TYW1: variants seen among roughly 807,000 people sequenced by gnomAD.
TYW1 encodes the protein S-adenosyl-L-methionine-dependent tRNA 4-demethylwyosine synthase TYW1.
In TYW1, 46 loss-of-function variants were observed where a neutral mutation model predicts 96.2. The ratio of observed to expected loss-of-function variants is 0.48; its 90% confidence interval spans 0.38 to 0.61. The LOEUF (loss-of-function observed/expected upper bound fraction) is 0.61, where lower values mean the gene tolerates loss of function less well. TYW1 is among the 20% of genes least tolerant of loss of function. TYW1 has a pLI of 0.00. For missense variants in TYW1, 684 were observed against 909.6 expected (o/e 0.75, Z 3.19); for synonymous variants, 274 against 323.0 (o/e 0.85, Z 1.63).
chr7:67,195,721 A>G (rs1234856375), intron 15 of TYW1, among the ~76,000 whole-genome samples: 2 of 152,126 alleles, frequency 1.3e-5, no homozygotes, highest in African/African-American at 2.4e-5. Context: ...TGTGGTATCT[A>G]TCAAATTTTA....
intron 15 of TYW1, among the ~76,000 whole-genome samples, chr7:67,222,008 G>T (rs1233347564): frequency 6.6e-6 from 1 of 151,968 alleles, no homozygotes; most frequent in African/African-American, 2.4e-5. Context: ...GACCAGCCTG[G>T]CTAAATGGCA....
chr7:67,099,191 A>C (rs890722600), intron 12 of TYW1, among the ~76,000 whole-genome samples: 14 of 151,886 alleles, frequency 9.2e-5, no homozygotes, highest in African/African-American at 3.1e-4. Context: ...ATGCCCAGCT[A>C]ATTTTTTTAT....
chr7:67,041,639 C>T (rs572019924), intron 7 of TYW1, among the ~76,000 whole-genome samples: 20 of 152,218 alleles, frequency 1.3e-4, no homozygotes, highest in African/African-American at 2.9e-4. Flanking sequence ...ACACATTCCC[C>T]GAATGCTTTC....
chr7:67,168,996 G>A (rs1166575978), intron 13 of TYW1, among the ~76,000 whole-genome samples: 2 of 137,814 alleles, frequency 1.5e-5, no homozygotes, highest in Non-Finnish European at 3.1e-5. Flanking sequence ...ATAGGTGTGA[G>A]CACTGTGGCC....
intron 4 of TYW1, among the ~76,000 whole-genome samples, chr7:67,013,066 T>C (rs920553299): frequency 2.0e-5 from 3 of 152,028 alleles, no homozygotes; most frequent in Middle Eastern, 3.2e-3. Flanking sequence ...TTTTTATTGC[T>C]TTAATTTATT....
rs1329820938 is a variant in TYW1, at chr7:67,098,815, A to G, written c.1562+97A>G. On this transcript the variant is annotated intron_variant, in intron 12 of 15. Coordinates refer to ENST00000359626, the MANE Select transcript of TYW1 (RefSeq NM_018264.4). ...TAATGCAATCAAATAGGATTTATTG[A>G]TTACTTACTACATACAAATGTTGGG... is the stretch of plus-strand genomic sequence containing the variant. 3.8e-6 allele frequency: 5 copies of G among 1,301,674 alleles called. No individual in the cohort carries two copies. In the East Asian group the frequency reaches 1.2e-4, roughly 32 times the overall value. The allele number at this position is 1,301,674 out of a possible 1,614,324, so 80.6% of individuals were successfully genotyped here.
intron 8 of TYW1, among the ~76,000 whole-genome samples, chr7:67,051,030 T>C (rs572449953): frequency 6.6e-6 from 1 of 152,200 alleles, no homozygotes; most frequent in African/African-American, 2.4e-5. Flanking sequence ...CAGCTGGGAC[T>C]AGAGACATAT....
At chr7:67,019,420 A>T (rs747664753) in intron 6 of TYW1, among the ~76,000 whole-genome samples, 17 of 151,852 alleles carry the variant, frequency 1.1e-4, no homozygotes, top group Admixed American at 2.0e-4. Flanking sequence ...CTGGTCTCGA[A>T]CTCCTGACCT....
intron 15 of TYW1, among the ~76,000 whole-genome samples, chr7:67,206,866 T>A (rs1334218261): frequency 6.6e-6 from 1 of 152,198 alleles, no homozygotes; most frequent in Non-Finnish European, 1.5e-5. Context: ...ACATGTGACA[T>A]ATCACATAAC....
At chr7:67,212,812 A>G (rs2116397581) in intron 15 of TYW1, among the ~76,000 whole-genome samples, 1 of 152,152 alleles carries the variant, frequency 6.6e-6, no homozygotes, top group Admixed American at 6.5e-5. Flanking sequence ...TGTATTTTGT[A>G]TTATGATGTG....
At chr7:67,072,248 CTT>C (rs35654128) in intron 10 of TYW1, among the ~76,000 whole-genome samples, 6 of 128,918 alleles carry the variant, frequency 4.7e-5, no homozygotes, top group South Asian at 2.5e-4. Flanking sequence ...CCTCTACCCA[CTT>C]TTTTTTTTTT....
chr7:67,116,738 T>G (rs1345252959), intron 12 of TYW1, among the ~76,000 whole-genome samples: 2 of 151,928 alleles, frequency 1.3e-5, no homozygotes, highest in African/African-American at 4.8e-5. Flanking sequence ...ACTAGAAATC[T>G]AGTAGGTAGG....
rs189689099 is a variant in TYW1, at chr7:67,058,038, C to T, written c.1155+2151C>T. On this transcript the variant is annotated intron_variant, in intron 9 of 15. Coordinates refer to ENST00000359626, the MANE Select transcript of TYW1 (RefSeq NM_018264.4). ...CAAGCTCTGCCTCCCGGGTTCACGCCATTCTCCTGCCTCAGCCTCCCGAGT... is the reference window on the plus strand; with the variant it reads ...CAAGCTCTGCCTCCCGGGTTCACGCTATTCTCCTGCCTCAGCCTCCCGAGT... 1.7e-3 allele frequency among the ~76,000 whole-genome samples: 257 copies of T among 152,062 alleles called. 2 individuals carry two copies. Among genetic ancestry groups the T allele is most frequent in the Admixed American group, 0.016 (244 of 15,282 alleles).
At position 67,008,663 on chromosome 7, in the gene TYW1, A is replaced by C. The variant is rs183284768; in HGVS notation, c.274-920A>C. Among the ~76,000 whole-genome samples, 39 of 151,042 alleles carry C rather than the reference A, an allele frequency of 2.6e-4. No homozygotes were observed. In the East Asian group the frequency reaches 4.5e-3, roughly 17 times the overall value. On this transcript the variant is annotated intron_variant, in intron 3 of 15. Coordinates refer to ENST00000359626, the MANE Select transcript of TYW1 (RefSeq NM_018264.4). The stretch of plus-strand genomic sequence containing the variant: ...CTTTTCACTCTTCACTCTTTCTTTT[A>C]TTTTATTTATTTATTTATTTTGGAG...
intron 7 of TYW1, among the ~76,000 whole-genome samples, chr7:67,029,412 T>TATATATATAC: frequency 7.2e-6 from 1 of 139,302 alleles, no homozygotes; most frequent in Non-Finnish European, 1.5e-5. Flanking sequence ...TGTGTGTGTG[T>TATATATATAC]GTGTATATAT....
chr7:67,165,145 G>C (rs1799281504), intron 13 of TYW1, among the ~76,000 whole-genome samples: 1 of 151,944 alleles, frequency 6.6e-6, no homozygotes, highest in South Asian at 2.1e-4. Flanking sequence ...AAAAATCTTT[G>C]CCAATTTGAT....
At chr7:67,225,737 C>CTCCACCAAAAT (rs113914635) in intron 15 of TYW1, among the ~76,000 whole-genome samples, 1 of 136,780 alleles carries the variant, frequency 7.3e-6, no homozygotes, top group South Asian at 2.4e-4. Flanking sequence ...TTTAGCTCCA[C>CTCCACCAAAAT]TGGAGATTAA....
chr7:67,182,682 AAAT>A (rs1215015037), intron 13 of TYW1, among the ~76,000 whole-genome samples: 1 of 152,244 alleles, frequency 6.6e-6, no homozygotes, highest in Non-Finnish European at 1.5e-5. Context: ...AGAGATCATT[AAAT>A]AATGAGGGAG....
In TYW1 at chr7:67,195,185, G is replaced by A. The variant is rs2690207; in HGVS notation, c.1825G>A (p.Gly609Arg). 32 of 1,613,776 alleles carry A rather than the reference G, an allele frequency of 2.0e-5. No individual in the cohort carries two copies. Among genetic ancestry groups the A allele is most frequent in the Non-Finnish European group, 2.5e-5 (29 of 1,179,934 alleles). The change falls in exon 15 of 16, where the codon GGA becomes AGA. Residue 609 changes from glycine to arginine, a missense_variant. Gly to Arg is a moderately radical substitution (Grantham distance 125, BLOSUM62 -2). Coordinates refer to ENST00000359626, the MANE Select transcript of TYW1 (RefSeq NM_018264.4). ...GTTTCCACAGGGCGTTACCTACTGC[G>A]GAGAAAGTTCAGCAAGCAGTCTTAC... ...FIEVKGVTYC[G>R]ESSASSLTMA...
Sources: allele counts gnomAD v4.1 joint callset (sites outside exome capture counted in the v4.1 genomes callset), GRCh38; gene constraint gnomAD v4.1.1; transcripts MANE v1.5; gene names NCBI Gene and HGNC (gene_info 2026-07-23, HGNC 2026-07-21).